Variants in ATP2A2 observed in about 807,000 individuals in gnomAD.
The protein encoded by ATP2A2 is ATPase sarcoplasmic/endoplasmic reticulum Ca2+ transporting 2, also known as sarcoplasmic/endoplasmic reticulum calcium ATPase 2.
ATP2A2 carries 14 observed loss-of-function variants against 109.3 expected under a neutral mutation model. The ratio of observed to expected loss-of-function variants is 0.13; its 90% CI spans 0.08 to 0.20. The LOEUF is 0.20. Among genes scored for constraint, ATP2A2 ranks in the 10% least tolerant of loss-of-function variants. ATP2A2 has a pLI of 1.00. For missense variants in ATP2A2, 657 were observed against 1,321.6 expected (o/e 0.50, Z 7.80); for synonymous variants, 506 against 490.9 (o/e 1.03, Z -0.41).
chr12:110,321,219 C>T (rs1008356816), intron 5 of ATP2A2, among the ~76,000 whole-genome samples: 5 of 152,194 alleles, frequency 3.3e-5, no homozygotes, highest in Non-Finnish European at 7.3e-5. Context: ...TAGAGCAAGA[C>T]TCTGTCTCTG....
rs375047317 is a variant in ATP2A2 at position 110,346,106 on chromosome 12, C to T, written c.2847C>T (p.Val949=). 15 of 1,614,056 alleles carry T rather than the reference C, an allele frequency of 9.3e-6. No individual in the cohort carries two copies. Among genetic ancestry groups the T allele is most frequent in the Admixed American group, 1.7e-5 (1 of 59,996 alleles). Residue 949 remains valine, a synonymous_variant, in exon 19 of 20, where the codon GTC becomes GTT. Coordinates refer to ENST00000539276, the MANE Select transcript of ATP2A2 (RefSeq NM_170665.4). ...CACTCCACTTCCTGATCCTCTATGT[C>T]GAACCCTTGCCAGTAAGTGGTTGGG... The part of the protein sequence containing the change: ...SMSLHFLILY[V]EPLPLIFQIT...
intron 11 of ATP2A2, among the ~76,000 whole-genome samples, chr12:110,335,912 A>G (rs923536168): frequency 1.3e-5 from 2 of 152,210 alleles, no homozygotes; most frequent in Non-Finnish European, 2.9e-5. Flanking sequence ...CTCCTTTTAT[A>G]TGGCAGACAG....
At chr12:110,324,814 T>C (rs1361213936) in intron 6 of ATP2A2, among the ~76,000 whole-genome samples, 1 of 151,640 alleles carries the variant, frequency 6.6e-6, no homozygotes, top group African/African-American at 2.4e-5. Context: ...AGTTATAGTC[T>C]CTATAATGAA....
chr12:110,313,398 C>T (rs949541531), intron 5 of ATP2A2, among the ~76,000 whole-genome samples: 2 of 148,764 alleles, frequency 1.3e-5, no homozygotes, highest in African/African-American at 5.0e-5. Flanking sequence ...CTGCAAGCTC[C>T]GCCTCCTGGG....
intron 3 of ATP2A2, among the ~76,000 whole-genome samples, chr12:110,286,837 T>C (rs974133739): frequency 2.6e-5 from 4 of 152,204 alleles, no homozygotes; most frequent in Non-Finnish European, 5.9e-5. Context: ...TTTTCTTTCG[T>C]TTTCTTTTTA....
In ATP2A2 at chr12:110,332,577, G is replaced by C. The variant is rs1387146478; in HGVS notation, c.1096-20G>C. 2 of 1,584,176 alleles carry C rather than the reference G, an allele frequency of 1.3e-6. No individual in the cohort carries two copies. The highest frequency in any genetic ancestry group is 1.1e-5 in the South Asian group (1 of 90,502). On this transcript the variant is annotated intron_variant, in intron 8 of 19. Coordinates refer to ENST00000539276, the MANE Select transcript of ATP2A2 (RefSeq NM_170665.4). ...TTTAAAAATCCCTTTTAAATACTCT[G>C]ATGCGCTCTCCCCCTACAGATGTTC... is the stretch of plus-strand genomic sequence containing the variant.
chr12:110,309,771 T>C (rs1875802588), intron 5 of ATP2A2, among the ~76,000 whole-genome samples: 1 of 151,928 alleles, frequency 6.6e-6, no homozygotes, highest in African/African-American at 2.4e-5. Flanking sequence ...CTAGGCGTGG[T>C]GGTGCGTACC....
At chr12:110,331,407 C>T (rs1253973529) in intron 8 of ATP2A2, 1 of 152,198 alleles carries the variant, frequency 6.6e-6, no homozygotes, top group Non-Finnish European at 1.5e-5. Context: ...GTGGCGCAAT[C>T]TCAGCCCACT....
At chr12:110,345,479 G>C in intron 18 of ATP2A2, 97 bp downstream of exon 18, 1 of 1,549,230 alleles carries the variant, frequency 6.5e-7, no homozygotes, top group Non-Finnish European at 8.9e-7. Flanking sequence ...TCACAGGACA[G>C]TTCTTCCCTT....
intron 5 of ATP2A2, among the ~76,000 whole-genome samples, chr12:110,300,201 T>C (rs1214942512): frequency 7.0e-6 from 1 of 143,320 alleles, no homozygotes; most frequent in African/African-American, 2.6e-5. Flanking sequence ...TTTTTTTTTT[T>C]TTTAACTTGG....
intron 7 of ATP2A2, among the ~76,000 whole-genome samples, chr12:110,326,705 A>C (rs1347466442): frequency 6.6e-6 from 1 of 152,220 alleles, no homozygotes; most frequent in Admixed American, 6.5e-5. Context: ...TACATCTTCA[A>C]ACTCTTACCT....
intron 8 of ATP2A2, among the ~76,000 whole-genome samples, chr12:110,328,818 T>G (rs988976935): frequency 1.3e-5 from 2 of 152,222 alleles, no homozygotes; most frequent in Non-Finnish European, 2.9e-5. Flanking sequence ...TCCTCCTGCC[T>G]TGGCCTCCCA....
At chr12:110,319,987 C>T (rs1877074608) in intron 5 of ATP2A2, among the ~76,000 whole-genome samples, 4 of 152,128 alleles carry the variant, frequency 2.6e-5, no homozygotes, top group Admixed American at 2.6e-4. Context: ...AAATCAAACA[C>T]TCCAAATTTT....
rs1411613223 is a variant in ATP2A2 at position 110,343,241 on chromosome 12, G to A, written c.2328G>A (p.Leu776=). ...SNVGEVVCIF[L]TAALGFPEAL... is the part of the protein sequence containing the mutation. Reference sequence around the variant, plus strand: ...TCTTGATTGGAAACAGTATTTTCCTGACAGCAGCCCTTGGATTTCCCGAGG... The same window carrying A: ...TCTTGATTGGAAACAGTATTTTCCTAACAGCAGCCCTTGGATTTCCCGAGG... Residue 776 remains leucine, a synonymous_variant, in exon 16 of 20, where the codon CTG becomes CTA. Coordinates refer to ENST00000539276, the MANE Select transcript of ATP2A2 (RefSeq NM_170665.4). The A allele has an allele frequency of 6.2e-7, 1 of 1,613,954 alleles. No homozygotes were observed. The highest frequency in any genetic ancestry group is 8.5e-7 in the Non-Finnish European group (1 of 1,180,032).
intron 6 of ATP2A2, among the ~76,000 whole-genome samples, chr12:110,325,466 T>C (rs1359176879): frequency 2.0e-5 from 3 of 151,496 alleles, no homozygotes; most frequent in Admixed American, 6.6e-5. Context: ...AAAACCTGTC[T>C]CTACTAAAAA....
At chr12:110,301,786 T>C (rs540719331) in intron 5 of ATP2A2, among the ~76,000 whole-genome samples, 42 of 152,370 alleles carry the variant, frequency 2.8e-4, no homozygotes, top group Non-Finnish European at 4.0e-4. Context: ...ATGTACCTCC[T>C]GCTTTCTTCT....
At chr12:110,284,289 GAGCT>G (rs150306836) in intron 3 of ATP2A2, among the ~76,000 whole-genome samples, 145 of 152,298 alleles carry the variant, frequency 9.5e-4, no homozygotes, top group African/African-American at 3.2e-3. Flanking sequence ...GATACATTTG[GAGCT>G]AGTGTAAGAT....
chr12:110,292,903 A>G (rs151000984), intron 4 of ATP2A2, among the ~76,000 whole-genome samples: 263 of 152,326 alleles, frequency 1.7e-3, no homozygotes, highest in African/African-American at 5.9e-3. Context: ...TTCCTGTGAC[A>G]AACTTTAAAA....
chr12:110,319,804 A>G (rs916719520), intron 5 of ATP2A2, among the ~76,000 whole-genome samples: 1 of 151,918 alleles, frequency 6.6e-6, no homozygotes, highest in Non-Finnish European at 1.5e-5. Flanking sequence ...CTAAATATGT[A>G]TATTTAGTAT....
Sources: gnomAD v4.1 joint callset for allele counts (sites outside exome capture counted in the v4.1 genomes callset) on GRCh38, gnomAD v4.1.1 for gene constraint, MANE v1.5 for transcripts, NCBI Gene and HGNC (gene_info 2026-07-23, HGNC 2026-07-21) for gene names.